BPIFC: variants seen among roughly 807,000 people sequenced by gnomAD.
The protein encoded by BPIFC is BPI fold containing family C, also known as BPI fold-containing family C protein.
Under a neutral mutation model 57.6 loss-of-function variants are expected in BPIFC, and 60 were observed. The ratio of observed to expected loss-of-function variants is 1.04; its 90% confidence interval spans 0.85 to 1.29. The LOEUF (loss-of-function observed/expected upper bound fraction) is 1.29. Ranked by LOEUF, BPIFC falls within the 50% of genes most tolerant of loss-of-function variation. The pLI is 0.00. For missense variants in BPIFC, 581 were observed against 600.5 expected, an observed-to-expected ratio of 0.97 and a Z score of 0.34; for synonymous variants, 243 against 224.5, an observed-to-expected ratio of 1.08 and a Z score of -0.74.
At chr22:32,425,525 T>C (rs1934041503) in intron 13 of BPIFC, among the ~76,000 whole-genome samples, 1 of 152,240 alleles carries the variant, frequency 6.6e-6, no homozygotes, top group African/African-American at 2.4e-5. Flanking sequence ...TCTTGTACGA[T>C]TGAGCACCTC....
Position 32,453,305 on chromosome 22 carries a change from C to T in BPIFC, c.245+78G>A, listed in dbSNP as rs187927091. The T allele has an allele frequency of 1.1e-3, 1,152 of 1,013,766 alleles. 10 individuals carry two copies. The Admixed American group carries it at 0.016, about 14-fold the overall frequency. The allele number at this position is 1,013,766 out of a possible 1,614,324, so 62.8% of individuals were successfully genotyped here. On this transcript the variant is annotated intron_variant, in intron 4 of 16. Coordinates refer to ENST00000300399, the MANE Select transcript of BPIFC (RefSeq NM_174932.3). ...TAAGAAGGCTGGATTCTGATGAAAT[C>T]GTGGGGCTTCCATAGAATTCCTCCA...
rs1934715129 is a variant in BPIFC at position 32,445,891 on chromosome 22, A to G, written c.480T>C (p.Asp160=). 6.2e-7 allele frequency: 1 copy of G among 1,614,058 alleles called. No homozygotes were observed. The highest frequency in any genetic ancestry group is 2.2e-5 in the East Asian group (1 of 44,868). The change falls in exon 6 of 17, where the codon GAT becomes GAC. Residue 160 remains aspartate (D), a synonymous_variant. Coordinates refer to ENST00000300399, the MANE Select transcript of BPIFC (RefSeq NM_174932.3). The part of the protein sequence containing the change: ...DFGHPTLKLQ[D]CYAQLSHAHV... ...GGGCATGGCTCAGTTGGGCGTAGCA[A>G]TCTTGGAGCTTCAGGGTAGGATGAC... is the stretch of plus-strand genomic sequence containing the variant.
Position 32,447,301 on chromosome 22 carries a change from C to A in BPIFC, c.285G>T (p.Leu95Phe), listed in dbSNP as rs750560391. 5 of 1,614,014 alleles carry A rather than the reference C, an allele frequency of 3.1e-6. No homozygotes were observed. Among genetic ancestry groups the A allele is most frequent in the Non-Finnish European group, 4.2e-6 (5 of 1,179,968 alleles). Reference protein sequence around the residue: ...ISAFSFPNTSLAFVPGVGIKA... With the variant: ...ISAFSFPNTSFAFVPGVGIKA... The stretch of plus-strand genomic sequence containing the variant: ...TGATTCCCACTCCAGGCACAAAAGC[C>A]AATGAGGTATTTGGAAATGAAAAGG... The change falls in exon 5 of 17, where the codon TTG becomes TTT. Residue 95 changes from leucine (L) to phenylalanine (F), a missense_variant. By Grantham distance (22) the Leu-to-Phe change is conservative (BLOSUM62 0). Coordinates refer to ENST00000300399, the MANE Select transcript of BPIFC (RefSeq NM_174932.3).
At chr22:32,429,515 T>G (rs1934173202) in intron 13 of BPIFC, among the ~76,000 whole-genome samples, 1 of 119,410 alleles carries the variant, frequency 8.4e-6, no homozygotes, top group Non-Finnish European at 1.8e-5. Flanking sequence ...CTTTGTTTTT[T>G]TTTTTTTTTT....
intron 2 of BPIFC, among the ~76,000 whole-genome samples, chr22:32,459,973 TG>T (rs1043935312): frequency 3.9e-5 from 6 of 152,250 alleles, no homozygotes; most frequent in African/African-American, 1.4e-4. Flanking sequence ...AGAAGCAGCC[TG>T]GGTGAAGGAA....
At chr22:32,456,958 CT>C (rs1295410530) in intron 3 of BPIFC, among the ~76,000 whole-genome samples, 2 of 152,180 alleles carry the variant, frequency 1.3e-5, no homozygotes, top group Non-Finnish European at 2.9e-5. Context: ...TTCAAATTTC[CT>C]TTCCTGTATC....
intron 2 of BPIFC, among the ~76,000 whole-genome samples, chr22:32,461,085 A>C (rs931662645): frequency 7.2e-5 from 11 of 152,072 alleles, no homozygotes; most frequent in Non-Finnish European, 1.2e-4. Flanking sequence ...CAGGAAGTTG[A>C]GTGCCAGATC....
At chr22:32,434,096 ATC>A (rs10637970) in intron 10 of BPIFC, among the ~76,000 whole-genome samples, 71 of 149,440 alleles carry the variant, frequency 4.8e-4, no homozygotes, top group Non-Finnish European at 6.5e-4. Flanking sequence ...ATATATATAT[ATC>A]TATATGTACA....
At chr22:32,424,643 T>TCCTC (rs1458949544) in intron 13 of BPIFC, among the ~76,000 whole-genome samples, 1 of 6,932 alleles carries the variant, frequency 1.4e-4, no homozygotes, top group Non-Finnish European at 2.4e-4. Flanking sequence ...CTTCTTCTTC[T>TCCTC]CTTCTTCTTC....
At chr22:32,418,495 C>A (rs535892855) in intron 14 of BPIFC, among the ~76,000 whole-genome samples, 4 of 152,252 alleles carry the variant, frequency 2.6e-5, no homozygotes, top group Admixed American at 2.6e-4. Context: ...ATTAGTATGT[C>A]TCCTTCCATC....
chr22:32,416,077 TGC>T (rs371440188), intron 15 of BPIFC, 86 bp from the exon 16 acceptor site: 7 of 729,544 alleles, frequency 9.6e-6, no homozygotes, highest in South Asian at 4.2e-5. Flanking sequence ...ACTGACAGCT[TGC>T]TTTTTTTTTT....
intron 4 of BPIFC, among the ~76,000 whole-genome samples, chr22:32,450,072 G>C (rs546706378): frequency 6.7e-6 from 1 of 149,250 alleles, no homozygotes; most frequent in Non-Finnish European, 1.5e-5. Context: ...CTGAGCAGTG[G>C]AATTGTTGGG....
rs796820256 is a variant in BPIFC, at chr22:32,417,452, T to TG, written c.1261-305dup. On this transcript the variant is annotated intron_variant, in intron 14 of 16. Transcript: ENST00000300399. ...CCTTCCAAAGTGCTAGGATTACAGG[T>TG]GGGAGCCACCACACCTGGCCAATCA... Among the ~76,000 whole-genome samples the TG allele has an allele frequency of 9.2e-5, 14 of 152,272 alleles. 1 individual carries two copies. The highest frequency in any genetic ancestry group is 3.4e-4 in the African/African-American group (14 of 41,558).
chr22:32,446,685 C>T, intron 5 of BPIFC: 1 of 931,270 alleles, frequency 1.1e-6, no homozygotes, highest in Non-Finnish European at 1.3e-6. Flanking sequence ...CTAAACATTA[C>T]ACCCAGAACA....
chr22:32,425,966 C>T (rs968980902), intron 13 of BPIFC, among the ~76,000 whole-genome samples: 2 of 152,166 alleles, frequency 1.3e-5, no homozygotes, highest in South Asian at 2.1e-4. Flanking sequence ...TTAAGAAACT[C>T]GCCTGAGATG....
At chr22:32,434,134 CCTAT>C (rs1390572852) in intron 10 of BPIFC, among the ~76,000 whole-genome samples, 2 of 148,282 alleles carry the variant, frequency 1.3e-5, no homozygotes, top group South Asian at 2.1e-4. Context: ...TATATTACAA[CCTAT>C]CTATGTGTAC....
At chr22:32,429,514 T>C (rs1449003262) in intron 13 of BPIFC, among the ~76,000 whole-genome samples, 2 of 118,820 alleles carry the variant, frequency 1.7e-5, no homozygotes, top group Admixed American at 1.6e-4. Context: ...CCTTTGTTTT[T>C]TTTTTTTTTT....
intron 5 of BPIFC, 141 bp from the exon 6 acceptor site, chr22:32,446,137 A>G: frequency 2.3e-6 from 2 of 886,960 alleles, no homozygotes; most frequent in Non-Finnish European, 1.7e-6. Flanking sequence ...CACCTACAAC[A>G]GGTAGGAGCA....
intron 13 of BPIFC, among the ~76,000 whole-genome samples, chr22:32,421,286 A>G (rs1933839920): frequency 6.6e-6 from 1 of 152,242 alleles, no homozygotes; most frequent in Non-Finnish European, 1.5e-5. Context: ...AGAAATAGTA[A>G]TGAATAGAGA....
Sources: allele counts gnomAD v4.1 joint callset (sites outside exome capture counted in the v4.1 genomes callset), GRCh38; gene constraint gnomAD v4.1.1; transcripts MANE v1.5; gene names NCBI Gene and HGNC (gene_info 2026-07-23, HGNC 2026-07-21).